The following LRFN2 variants were observed in gnomAD, a reference collection of about 807,000 sequenced individuals.
LRFN2 encodes the protein leucine-rich repeat and fibronectin type-III domain-containing protein 2.
A neutral mutation model predicts 37.3 loss-of-function variants in LRFN2; 18 were observed. That is an observed-to-expected ratio of 0.48 (90% CI 0.33 to 0.72). The LOEUF is 0.72. LRFN2 is among the 30% of genes least tolerant of loss of function. The pLI is 0.02. For missense variants in LRFN2, 1,006 were observed against 1,060.7 expected (o/e 0.95, Z 0.72); for synonymous variants, 556 against 466.6 (o/e 1.19, Z -2.47).
At chr6:40,500,648 C>T (rs899868537) in intron 1 of LRFN2, among the ~76,000 whole-genome samples, 2 of 152,222 alleles carry the variant, frequency 1.3e-5, no homozygotes, top group African/African-American at 4.8e-5. Context: ...AAATGTCCAA[C>T]CATCAGGCAT....
chr6:40,408,767 G>T (rs184790571), intron 2 of LRFN2, among the ~76,000 whole-genome samples: 25 of 152,284 alleles, frequency 1.6e-4, no homozygotes, highest in African/African-American at 5.8e-4. Context: ...ATGAAGGAAT[G>T]GTAAACACTG....
intron 1 of LRFN2, among the ~76,000 whole-genome samples, chr6:40,479,993 C>T (rs989182641): frequency 8.5e-5 from 13 of 152,234 alleles, no homozygotes; most frequent in African/African-American, 2.2e-4. Flanking sequence ...AATGCAGACA[C>T]GAATCTATTT....
rs957256423 is a variant in LRFN2 at position 40,399,684 on chromosome 6, C to T, written c.1401-6772G>A. The stretch of plus-strand genomic sequence containing the variant: ...AACTCTTGAGCTCAGACCATCCGCC[C>T]GCCTTGGCTTCCTAAAGTGCTGGGA... On this transcript the variant is annotated intron_variant, in intron 2 of 2. Transcript: ENST00000338305. 4.0e-5 allele frequency among the ~76,000 whole-genome samples: 6 copies of T among 151,678 alleles called. No homozygotes were observed. The East Asian group carries it at 5.8e-4, about 15-fold the overall frequency.
At chr6:40,506,438 A>G (rs1765540253) in intron 1 of LRFN2, among the ~76,000 whole-genome samples, 1 of 152,186 alleles carries the variant, frequency 6.6e-6, no homozygotes, top group Non-Finnish European at 1.5e-5. Context: ...ACCCTCAGAA[A>G]TCATGTTCAC....
chr6:40,471,939 A>C (rs1180440183), intron 1 of LRFN2, among the ~76,000 whole-genome samples: 1 of 152,180 alleles, frequency 6.6e-6, no homozygotes, highest in East Asian at 1.9e-4. Context: ...ATTCACACCT[A>C]TTTAGTGAAC....
intron 2 of LRFN2, among the ~76,000 whole-genome samples, chr6:40,424,558 G>C (rs530754657): frequency 1.1e-4 from 17 of 151,890 alleles, no homozygotes; most frequent in Non-Finnish European, 2.2e-4. Flanking sequence ...ATCCCCTCTT[G>C]TAGATGTCAT....
chr6:40,501,292 C>T (rs1057367469), intron 1 of LRFN2, among the ~76,000 whole-genome samples: 1 of 151,718 alleles, frequency 6.6e-6, no homozygotes, highest in Admixed American at 6.6e-5. Flanking sequence ...TTTACCCTTG[C>T]CTGCACTTTC....
intron 2 of LRFN2, among the ~76,000 whole-genome samples, chr6:40,401,192 G>A (rs62395880): frequency 1.1e-5 from 1 of 92,226 alleles, no homozygotes; most frequent in African/African-American, 3.7e-5. Context: ...GGAAGAGCCT[G>A]TGGAATGACT....
At chr6:40,564,271 G>A (rs1001861559) in intron 1 of LRFN2, among the ~76,000 whole-genome samples, 1 of 152,156 alleles carries the variant, frequency 6.6e-6, no homozygotes, top group Non-Finnish European at 1.5e-5. Context: ...CTTTTGTCAT[G>A]TTCATGACCA....
chr6:40,519,001 G>A (rs185786068), intron 1 of LRFN2, among the ~76,000 whole-genome samples: 12 of 152,240 alleles, frequency 7.9e-5, no homozygotes, highest in Non-Finnish European at 1.2e-4. Flanking sequence ...TGGGGAGAGA[G>A]AGGGCAGATC....
At chr6:40,564,965 G>A (rs1260039066) in intron 1 of LRFN2, among the ~76,000 whole-genome samples, 2 of 152,116 alleles carry the variant, frequency 1.3e-5, no homozygotes, top group Non-Finnish European at 2.9e-5. Context: ...CTGTACCAAA[G>A]CTCTGACCAT....
At chr6:40,425,507 T>C (rs981292946) in intron 2 of LRFN2, among the ~76,000 whole-genome samples, 2 of 152,214 alleles carry the variant, frequency 1.3e-5, no homozygotes, top group African/African-American at 4.8e-5. Flanking sequence ...GGGTGAACTG[T>C]TGCTCCCTCC....
At chr6:40,526,310 C>A (rs942701801) in intron 1 of LRFN2, among the ~76,000 whole-genome samples, 2 of 152,204 alleles carry the variant, frequency 1.3e-5, no homozygotes, top group African/African-American at 4.8e-5. Flanking sequence ...TATGCGTCAC[C>A]ATTCCAAGTG....
chr6:40,566,248 G>C (rs928125909), intron 1 of LRFN2, among the ~76,000 whole-genome samples: 15 of 152,150 alleles, frequency 9.9e-5, no homozygotes, highest in African/African-American at 3.6e-4. Context: ...TTGCTGGAGA[G>C]GATGTGAAGA....
intron 1 of LRFN2, among the ~76,000 whole-genome samples, chr6:40,480,801 T>G (rs902303175): frequency 2.0e-5 from 3 of 152,172 alleles, no homozygotes; most frequent in Non-Finnish European, 4.4e-5. Flanking sequence ...ATGTCGCATA[T>G]GGGGCCAGGT....
chr6:40,587,264 A>T lies in LRFN2; in HGVS notation c.-342T>A, dbSNP rs1478449632. 6.6e-6 allele frequency: 1 copy of T among 152,214 alleles called. No homozygotes were observed. Among genetic ancestry groups the T allele is most frequent in the Non-Finnish European group, 1.5e-5 (1 of 68,032 alleles). The allele number at this position is 152,214 out of a possible 1,614,324, so 9.4% of individuals were successfully genotyped here. A position where few individuals can be genotyped will look rare whatever the true frequency, so the allele number is the denominator to read the frequency against. On this transcript the variant is annotated 5_prime_UTR_variant, in exon 1 of 3. Transcript: ENST00000338305. The surrounding 1 kb of genome is among the most constrained non-coding windows in gnomAD (Gnocchi z 4.2). ...GATGCCGGTAGGATTTTCCGGATCG[A>T]AGAACCCCAGGCATTCCCAGGAACC...
intron 1 of LRFN2, among the ~76,000 whole-genome samples, chr6:40,451,145 A>C (rs1764095023): frequency 6.6e-6 from 1 of 151,990 alleles, no homozygotes; most frequent in Admixed American, 6.6e-5. Context: ...CCATGGGGGG[A>C]TTTCTTTGGT....
intron 1 of LRFN2, among the ~76,000 whole-genome samples, chr6:40,442,486 G>A (rs1487385768): frequency 2.0e-5 from 3 of 152,114 alleles, no homozygotes; most frequent in Non-Finnish European, 4.4e-5. Flanking sequence ...GCCAACTGGG[G>A]CTCCCTGAGG....
intron 1 of LRFN2, among the ~76,000 whole-genome samples, chr6:40,461,576 C>T (rs185515295): frequency 6.8e-6 from 1 of 147,020 alleles, no homozygotes; most frequent in African/African-American, 2.5e-5. Context: ...CCAGCCACCC[C>T]CCTCCCCCCG....
Sources: gnomAD v4.1 joint callset for allele counts (sites outside exome capture counted in the v4.1 genomes callset) on GRCh38, gnomAD v4.1.1 for gene constraint, Gnocchi (gnomAD v3.1) non-coding constraint, MANE v1.5 for transcripts, NCBI Gene and HGNC (gene_info 2026-07-23, HGNC 2026-07-21) for gene names.